The following TRIM64C variants were observed in gnomAD, a reference collection of about 807,000 sequenced individuals.
TRIM64C encodes tripartite motif-containing protein 64C.
TRIM64C carries 25 observed loss-of-function variants against 36.1 expected under a neutral mutation model. The observed-to-expected ratio is 0.69, with a 90% CI of 0.51 to 0.97. The LOEUF (loss-of-function observed/expected upper bound fraction) is 0.97. Among genes scored for constraint, TRIM64C ranks in the 50% least tolerant of loss-of-function variants. The pLI is 0.00. For missense variants in TRIM64C, 489 were observed against 536.8 expected (o/e 0.91, Z 0.88); for synonymous variants, 212 against 185.7 (o/e 1.14, Z -1.15).
rs1056559995 is a variant in TRIM64C at position 49,058,088 on chromosome 11, C to A, written c.497G>T (p.Cys166Phe). ...ATTTTCATTCTTAACCACTAATGAA[C>A]AAAATTTGCTAGTTTCCTGATTTAG... is the stretch of plus-strand genomic sequence containing the variant. ...NNLNQETSKF[C>F]SLVDYVSLRK... Residue 166 changes from cysteine (C) to phenylalanine (F), a missense_variant, in exon 2 of 6, where the codon TGT becomes TTT. Transcript: ENST00000617704. 5 of 1,525,058 alleles carry A rather than the reference C, an allele frequency of 3.3e-6. No individual in the cohort carries two copies. The African/African-American group carries it at 4.2e-5, about 13-fold the overall frequency. The allele number at this position is 1,525,058 out of a possible 1,614,324, so 94.5% of individuals were successfully genotyped here.
intron 2 of TRIM64C, 27 bp downstream of exon 2, chr11:49,058,051 A>T (rs544234262): frequency 1.1e-5 from 16 of 1,436,618 alleles, no homozygotes; most frequent in African/African-American, 1.0e-4. Flanking sequence ...TTTGCATAAA[A>T]ACAAAGGAAA....
At chr11:49,054,376 A>G (rs188015706) in intron 5 of TRIM64C, among the ~76,000 whole-genome samples, 169 bp from the exon 6 acceptor site, 92 of 152,328 alleles carry the variant, frequency 6.0e-4, no homozygotes, top group African/African-American at 1.9e-3. Context: ...CCTCTACAGC[A>G]TATACAATTA....
At position 49,053,873 on chromosome 11, in the gene TRIM64C, C is replaced by G; in HGVS notation, c.1194G>C (p.Gln398His). ...SLSTNSPPLI[Q>H]YVQRPLGWVG... ...CCCAACCCAGAGGCCTTTGCACATA[C>G]TGGATTAAAGGTGGAGAATTGGTGG... is the stretch of plus-strand genomic sequence containing the variant. Residue 398 changes from glutamine (Q) to histidine (H), a missense_variant, in exon 6 of 6, where the codon CAG (glutamine) becomes CAC (histidine). Coordinates refer to ENST00000617704, the MANE Select transcript of TRIM64C (RefSeq NM_001206631.1). The G allele has an allele frequency of 6.4e-7, 1 of 1,551,766 alleles. No homozygotes were observed. The highest frequency in any genetic ancestry group is 1.2e-5 in the South Asian group (1 of 84,056).
Position 49,059,089 on chromosome 11 carries a change from G to A in TRIM64C, c.24C>T (p.Val8=). 1 of 1,549,236 alleles carries A rather than the reference G, an allele frequency of 6.5e-7. No homozygotes were observed. Among genetic ancestry groups the A allele is most frequent in the Non-Finnish European group, 8.7e-7 (1 of 1,146,764 alleles). The change falls in exon 1 of 6, where the codon GTC becomes GTT. Residue 8 remains valine, a synonymous_variant. Coordinates refer to ENST00000617704, the MANE Select transcript of TRIM64C (RefSeq NM_001206631.1). MDSDTLR[V]FQNELICCIC... Reference sequence around the variant, plus strand: ...TGCAGCAAATGAGCTCATTCTGGAAGACTCGCAGGGTGTCTGAATCCATGT... The same window carrying A: ...TGCAGCAAATGAGCTCATTCTGGAAAACTCGCAGGGTGTCTGAATCCATGT...
chr11:49,058,030 C>T, intron 2 of TRIM64C, 48 bp downstream of exon 2: 1 of 1,321,776 alleles, frequency 7.6e-7, no homozygotes, highest in Non-Finnish European at 1.0e-6. Flanking sequence ...TATAAGCCAA[C>T]TTTGTGTTTA....
rs57601181 is a variant in TRIM64C, at chr11:49,055,231, C to T, written c.859+79G>A. 2.5e-3 allele frequency: 3,772 copies of T among 1,514,916 alleles called. 7 individuals carry two copies. The highest frequency in any genetic ancestry group is 0.013 in the East Asian group (537 of 40,760). 93.8% of individuals were successfully genotyped at this position (1,514,916 alleles called of 1,614,324 possible). ...TACCTACATGTCAAAACTAATAAAA[C>T]GTAAATGGGAGAAGCCTCAACCAAG... On this transcript the variant is annotated intron_variant, in intron 5 of 5. Coordinates refer to ENST00000617704, the MANE Select transcript of TRIM64C (RefSeq NM_001206631.1).
intron 1 of TRIM64C, 45 bp from the exon 2 acceptor site, chr11:49,058,217 T>C (rs1263650921): frequency 8.0e-7 from 1 of 1,250,354 alleles, no homozygotes; most frequent in Non-Finnish European, 1.1e-6. Context: ...AGACAGTAGA[T>C]CTTATCCCTT....
chr11:49,054,651 A>G (rs191908923), intron 5 of TRIM64C, among the ~76,000 whole-genome samples: 218 of 152,248 alleles, frequency 1.4e-3, no homozygotes, highest in African/African-American at 5.0e-3. Flanking sequence ...ACACATGTAA[A>G]GTTTATAAGT....
At chr11:49,057,438 T>C in intron 2 of TRIM64C, 60 bp from the exon 3 acceptor site, 1 of 1,504,814 alleles carries the variant, frequency 6.6e-7, no homozygotes, top group Non-Finnish European at 9.0e-7. Context: ...AAACTTCAAA[T>C]AATTATATGC....
Position 49,055,351 on chromosome 11 carries a change from C to A in TRIM64C, c.818G>T (p.Trp273Leu). The change falls in exon 5 of 6, where the codon TGG (tryptophan) becomes TTG (leucine). Residue 273 changes from tryptophan (W) to leucine (L), a missense_variant. Coordinates refer to ENST00000617704, the MANE Select transcript of TRIM64C (RefSeq NM_001206631.1). ...PQPVNPELTS[W>L]CITGVLDMLN... ...CATGTCTAGGACTCCAGTTATGCAC[C>A]ATGAAGTGAGCTCTGGGTTCACTGG... The A allele has an allele frequency of 6.5e-7, 1 of 1,535,688 alleles. No individual in the cohort carries two copies. Among genetic ancestry groups the A allele is most frequent in the Non-Finnish European group, 8.7e-7 (1 of 1,146,840 alleles).
At chr11:49,057,771 T>A (rs1854830521) in intron 2 of TRIM64C, 3 of 502,140 alleles carry the variant, frequency 6.0e-6, no homozygotes, top group Non-Finnish European at 1.1e-5. Flanking sequence ...CTATTCTATT[T>A]CTTTTGTCTT....
At chr11:49,057,522 C>A in intron 2 of TRIM64C, 144 bp from the exon 3 acceptor site, 3 of 877,362 alleles carry the variant, frequency 3.4e-6, no homozygotes, top group Non-Finnish European at 5.3e-6. Context: ...CTATCTTTTT[C>A]TGTCCATCTT....
chr11:49,058,883 G>T lies in TRIM64C; in HGVS notation c.230C>A (p.Ala77Asp), dbSNP rs1217260675. The T allele has an allele frequency of 2.1e-5, 32 of 1,550,084 alleles. No individual in the cohort carries two copies. The highest frequency in any genetic ancestry group is 2.8e-5 in the Non-Finnish European group (32 of 1,146,950). The change falls in exon 1 of 6, where the codon GCC becomes GAC. Residue 77 changes from alanine (A) to aspartate (D), a missense_variant. Transcript: ENST00000617704. ...GATGTTCTGAGGTCTGGTCTGTCTG[G>T]CTAGGGAAGCCAGCTTTTTGAGTGC... is the stretch of plus-strand genomic sequence containing the variant. ...NVALKKLASL[A>D]RQTRPQNINS...
chr11:49,053,983 T>C lies in TRIM64C; in HGVS notation c.1084A>G (p.Arg362Gly), dbSNP rs772385524. Reference sequence around the variant, plus strand: ...ATAACTATATTGGTATCTGCTGTCCTAGAATCTCGACAGACTCCCAGAATC... The same window carrying C: ...ATAACTATATTGGTATCTGCTGTCCCAGAATCTCGACAGACTCCCAGAATC... ...NWILGVCRDS[R>G]TADTNIVIDS... Residue 362 changes from arginine to glycine, a missense_variant, in exon 6 of 6, where the codon AGG (arginine) becomes GGG (glycine). Coordinates refer to ENST00000617704, the MANE Select transcript of TRIM64C (RefSeq NM_001206631.1). The C allele has an allele frequency of 5.3e-5, 83 of 1,551,614 alleles. 1 individual carries two copies. In the Admixed American group the frequency reaches 6.5e-4, roughly 12 times the overall value.
rs1206373719 is a variant in TRIM64C, at chr11:49,057,374, T to C, written c.512A>G (p.Tyr171Cys). ...ETSKFCSLVD[Y>C]VSLRKVIITI... Reference sequence around the variant, plus strand: ...GATTATCACCTTCCTTAATGACACATAGTCCTGCAGAGACGTTTGGTTAAA... The same window carrying C: ...GATTATCACCTTCCTTAATGACACACAGTCCTGCAGAGACGTTTGGTTAAA... Residue 171 changes from tyrosine to cysteine, a missense_variant, in exon 3 of 6, where the codon TAT (tyrosine) becomes TGT (cysteine). Transcript: ENST00000617704. 17 of 1,549,536 alleles carry C rather than the reference T, an allele frequency of 1.1e-5. No homozygotes were observed. Among genetic ancestry groups the C allele is most frequent in the Admixed American group, 5.9e-5 (3 of 50,958 alleles).
At chr11:49,058,675 A>G (rs1359038294) in intron 1 of TRIM64C, 26 bp downstream of exon 1, 29 of 1,540,098 alleles carry the variant, frequency 1.9e-5, no homozygotes, top group Admixed American at 5.9e-5. Context: ...TATTCTGTAT[A>G]ATTCAAACTG....
At chr11:49,057,491 G>A in intron 2 of TRIM64C, 113 bp from the exon 3 acceptor site, 1 of 1,075,548 alleles carries the variant, frequency 9.3e-7, no homozygotes, top group Admixed American at 2.3e-5. Flanking sequence ...CTTCACTCTT[G>A]CAAAGAGTCT....
At chr11:49,057,512 CTA>C in intron 2 of TRIM64C, 134 bp from the exon 3 acceptor site, 1 of 905,718 alleles carries the variant, frequency 1.1e-6, no homozygotes, top group Non-Finnish European at 1.7e-6. Context: ...TGAATATTTG[CTA>C]TCTTTTTCTG....
rs1854812868 is a variant in TRIM64C at position 49,056,295 on chromosome 11, C to T, written c.761+64G>A. The T allele has an allele frequency of 1.6e-6, 2 of 1,262,502 alleles. 1 individual carries two copies. The highest frequency in any genetic ancestry group is 3.1e-5 in the African/African-American group (2 of 64,412). The allele number at this position is 1,262,502 out of a possible 1,614,324, so 78.2% of individuals were successfully genotyped here. ...ATGATGTTAGTACTCAAAATGTATA[C>T]ATCCCCTTCATTCACAAGAGAACAA... On this transcript the variant is annotated intron_variant, in intron 4 of 5. Coordinates refer to ENST00000617704, the MANE Select transcript of TRIM64C (RefSeq NM_001206631.1).
Sources: gnomAD v4.1 joint callset for allele counts (sites outside exome capture counted in the v4.1 genomes callset) on GRCh38, gnomAD v4.1.1 for gene constraint, MANE v1.5 for transcripts, NCBI Gene and HGNC (gene_info 2026-07-23, HGNC 2026-07-21) for gene names.